The following WDR20 variants were observed in gnomAD, a reference collection of about 807,000 sequenced individuals.
WDR20 encodes WD repeat domain 20, also known as WD repeat-containing protein 20.
In WDR20, 3 loss-of-function variants were observed where a neutral mutation model predicts 38.7. That is an observed-to-expected ratio of 0.08 (90% CI 0.04 to 0.20). The LOEUF (loss-of-function observed/expected upper bound fraction) is 0.20, where lower values mean the gene tolerates loss of function less well. Among genes scored for constraint, WDR20 ranks in the 10% least tolerant of loss-of-function variants. WDR20 has a pLI of 1.00. For synonymous variants in WDR20, 298 were observed against 285.6 expected, an observed-to-expected ratio of 1.04 and a Z score of -0.44; for missense variants, 559 against 727.7, an observed-to-expected ratio of 0.77 and a Z score of 2.67.
intron 1 of WDR20, among the ~76,000 whole-genome samples, chr14:102,147,264 G>T (rs1018278722): frequency 6.6e-6 from 1 of 152,146 alleles, no homozygotes; most frequent in African/African-American, 2.4e-5. Flanking sequence ...GTATGGTGGC[G>T]CATGCCTGTA....
At chr14:102,150,763 G>A (rs1043996753) in intron 1 of WDR20, among the ~76,000 whole-genome samples, 2 of 152,142 alleles carry the variant, frequency 1.3e-5, no homozygotes, top group South Asian at 2.1e-4. Context: ...AATCAAAGAA[G>A]TATGAGGTAT....
At chr14:102,201,320 A>G (rs2060343311) in intron 2 of WDR20, among the ~76,000 whole-genome samples, 1 of 152,062 alleles carries the variant, frequency 6.6e-6, no homozygotes, top group African/African-American at 2.4e-5. Flanking sequence ...ATGCAGATCC[A>G]CTCACCCCCA....
At chr14:102,155,439 T>A (rs1187622660) in intron 1 of WDR20, among the ~76,000 whole-genome samples, 3 of 152,150 alleles carry the variant, frequency 2.0e-5, no homozygotes, top group Admixed American at 1.3e-4. Context: ...GAGAGCAGCC[T>A]TAGAGAGACC....
At chr14:102,161,091 C>T (rs1450314264) in intron 1 of WDR20, among the ~76,000 whole-genome samples, 2 of 120,964 alleles carry the variant, frequency 1.7e-5, no homozygotes, top group African/African-American at 3.0e-5. Context: ...GATAAATTTC[C>T]AGTGGATACA....
intron 1 of WDR20, among the ~76,000 whole-genome samples, chr14:102,183,012 C>T (rs1432878062): frequency 1.3e-5 from 2 of 151,632 alleles, no homozygotes; most frequent in African/African-American, 2.4e-5. Context: ...TGCAGGGAGC[C>T]GAGATTGCGC....
intron 1 of WDR20, among the ~76,000 whole-genome samples, chr14:102,149,026 G>T (rs1053976377): frequency 1.3e-5 from 2 of 152,092 alleles, no homozygotes; most frequent in Admixed American, 1.3e-4. Flanking sequence ...AGCTGGGTGT[G>T]GTGGCGGGTG....
rs905468317 is a variant in WDR20 at position 102,220,162 on chromosome 14, G to A, written c.1693-2668G>A. 1.3e-5 allele frequency among the ~76,000 whole-genome samples: 2 copies of A among 152,192 alleles called. No homozygotes were observed. The highest frequency in any genetic ancestry group is 2.4e-5 in the African/African-American group (1 of 41,442). On this transcript the variant is annotated intron_variant, in intron 3 of 3. Coordinates refer to the WDR20 transcript ENST00000335263. The surrounding 1 kb of genome is among the most constrained non-coding windows in gnomAD (Gnocchi z 4.2). Reference sequence around the variant, plus strand: ...AGCCTGGTGGCTGCGCCACCTCTGCGTCTCAGCAGCCGCCCTCCCCTGGGA... The same window carrying A: ...AGCCTGGTGGCTGCGCCACCTCTGCATCTCAGCAGCCGCCCTCCCCTGGGA...
intron 1 of WDR20, 141 bp downstream of exon 1, chr14:102,140,313 T>C: frequency 1.5e-6 from 2 of 1,336,464 alleles, no homozygotes; most frequent in South Asian, 1.4e-5. Flanking sequence ...ACTGGGGTAC[T>C]CCTGAGGAGA....
In WDR20 at chr14:102,206,194, C is replaced by T. The variant is rs138463976; in HGVS notation, c.433-2409C>T. Among the ~76,000 whole-genome samples the T allele has an allele frequency of 4.7e-3, 721 of 152,252 alleles. 3 individuals carry two copies. Among genetic ancestry groups the T allele is most frequent in the African/African-American group, 0.017 (695 of 41,554 alleles). ...TAGAGACAGGGTTTCACCATGTTGG[C>T]CAGGCTGGTCTCGAACTCCTGACCT... On this transcript the variant is annotated intron_variant, in intron 2 of 2. Transcript: ENST00000342702.
chr14:102,157,024 G>T lies in WDR20; in HGVS notation c.249+16852G>T, dbSNP rs182935335. Among the ~76,000 whole-genome samples, 277 of 152,174 alleles carry T rather than the reference G, an allele frequency of 1.8e-3. 2 individuals are homozygous for T. Among genetic ancestry groups the T allele is most frequent in the African/African-American group, 6.3e-3 (260 of 41,494 alleles). ...AAATAAATAAAATAAAAATTATTGG[G>T]GCTGAGGTGGGAGGATTGTTTGAGG... On this transcript the variant is annotated intron_variant, in intron 1 of 2. Transcript: ENST00000342702.
chr14:102,212,926 T>A, downstream of WDR20: 3 of 1,081,758 alleles, frequency 2.8e-6, no homozygotes, highest in Non-Finnish European at 3.4e-6. Context: ...AAATACTCAG[T>A]CAGCATCACT....
chr14:102,160,118 A>C (rs1192800261), intron 1 of WDR20, among the ~76,000 whole-genome samples: 1 of 151,876 alleles, frequency 6.6e-6, no homozygotes, highest in African/African-American at 2.4e-5. Flanking sequence ...AACAAACAAA[A>C]AACTTGAATG....
intron 2 of WDR20, among the ~76,000 whole-genome samples, chr14:102,200,465 TTTTGTGTGTGTGTGTGTG>T (rs1458134636): frequency 8.1e-5 from 8 of 98,626 alleles, no homozygotes; most frequent in African/African-American, 1.6e-4. Context: ...AAATTTTTTT[TTTTGTGTGTGTGTGTGTG>T]TGTGTGTGTG....
chr14:102,201,662 C>T (rs1218201776), intron 2 of WDR20, among the ~76,000 whole-genome samples: 2 of 152,342 alleles, frequency 1.3e-5, no homozygotes, highest in Non-Finnish European at 1.5e-5. Flanking sequence ...TGCATCCCCA[C>T]AGAGCACTGG....
chr14:102,156,292 C>T (rs150427398), intron 1 of WDR20, among the ~76,000 whole-genome samples: 1,741 of 151,770 alleles, frequency 0.011, 14 homozygotes, highest in Middle Eastern at 0.034. Context: ...CTCAGCCTCC[C>T]GAGTAGCTGG....
rs1209858018 is a variant in WDR20, at chr14:102,221,728, G to A, written c.1693-1102G>A. 1.3e-5 allele frequency among the ~76,000 whole-genome samples: 2 copies of A among 152,208 alleles called. No homozygotes were observed. The highest frequency in any genetic ancestry group is 1.9e-4 in the East Asian group (1 of 5,202). On this transcript the variant is annotated intron_variant, in intron 3 of 3. Coordinates refer to the WDR20 transcript ENST00000335263. This position sits in a 1 kb window ranked among gnomAD's most constrained non-coding sequence, Gnocchi z 4.8. ...AGGCTTCCGGCAGCAGGGCGTGGGCGAGGCTGAAGGGCAGTTTCCGATTGT... is the reference window on the plus strand; with the variant it reads ...AGGCTTCCGGCAGCAGGGCGTGGGCAAGGCTGAAGGGCAGTTTCCGATTGT...
At chr14:102,201,651 C>G (rs1187107677) in intron 2 of WDR20, among the ~76,000 whole-genome samples, 1 of 152,228 alleles carries the variant, frequency 6.6e-6, no homozygotes, top group Non-Finnish European at 1.5e-5. Context: ...GACATGGAGC[C>G]TGCATCCCCA....
At position 102,209,653 on chromosome 14, in the gene WDR20, C is replaced by T; in HGVS notation, c.1483C>T (p.Leu495=). 1 of 1,614,198 alleles carries T rather than the reference C, an allele frequency of 6.2e-7. No homozygotes were observed. The highest frequency in any genetic ancestry group is 8.5e-7 in the Non-Finnish European group (1 of 1,180,034). The part of the protein sequence containing the change: ...GHISSKSSDK[L]NLVTKTKTDP... Reference sequence around the variant, plus strand: ...CATTTCTAGCAAGAGCAGTGACAAACTGAATCTAGTTACCAAAACCAAAAC... The same window carrying T: ...CATTTCTAGCAAGAGCAGTGACAAATTGAATCTAGTTACCAAAACCAAAAC... The change falls in exon 3 of 3, where the codon CTG becomes TTG. Residue 495 remains leucine (L), a synonymous_variant. Coordinates refer to ENST00000342702, the MANE Select transcript of WDR20 (RefSeq NM_144574.4). This position sits in a 1 kb window ranked among gnomAD's most constrained non-coding sequence, Gnocchi z 6.0.
At chr14:102,214,803 A>G (rs1413449386), downstream of WDR20, 2 of 980,172 alleles carry the variant, frequency 2.0e-6, no homozygotes, top group East Asian at 2.3e-4. Flanking sequence ...TTACTGTTGC[A>G]ATAATTAATG....
Sources: allele counts gnomAD v4.1 joint callset (sites outside exome capture counted in the v4.1 genomes callset), GRCh38; gene constraint gnomAD v4.1.1; non-coding constraint Gnocchi (gnomAD v3.1); transcripts MANE v1.5; gene names NCBI Gene and HGNC (gene_info 2026-07-23, HGNC 2026-07-21).